The following NTM variants were observed in gnomAD, a reference collection of about 807,000 sequenced individuals.
The protein encoded by NTM is neurotrimin.
NTM carries 13 observed loss-of-function variants against 42.1 expected under a neutral mutation model. That is an observed-to-expected ratio of 0.31 (90% confidence interval 0.20 to 0.49). The LOEUF (loss-of-function observed/expected upper bound fraction) is 0.49, where lower values mean the gene tolerates loss of function less well. Among genes scored for constraint, NTM ranks in the 20% least tolerant of loss-of-function variants. The probability of loss-of-function intolerance (pLI) is 0.99; values close to 1 mark genes in which losing one functional copy is unlikely to be tolerated. For synonymous variants in NTM, 187 were observed against 179.2 expected (o/e 1.04, Z -0.35); for missense variants, 373 against 452.8 (o/e 0.82, Z 1.60).
chr11:132,189,529 G>A (rs2078957864), intron 3 of NTM, among the ~76,000 whole-genome samples: 1 of 152,134 alleles, frequency 6.6e-6, no homozygotes, highest in African/African-American at 2.4e-5. Flanking sequence ...CTTAGAAGAA[G>A]GAACCGAACT....
chr11:132,155,322 T>A (rs2137504367), intron 3 of NTM, among the ~76,000 whole-genome samples: 1 of 152,306 alleles, frequency 6.6e-6, no homozygotes, highest in South Asian at 2.1e-4. Context: ...GTCAAGTAGG[T>A]GCAGGGAAGC....
chr11:131,800,892 A>G (rs2092050126), intron 1 of NTM, among the ~76,000 whole-genome samples: 1 of 152,212 alleles, frequency 6.6e-6, no homozygotes, highest in Admixed American at 6.5e-5. Flanking sequence ...ATGGAATCAC[A>G]GCTGCCCACC....
chr11:132,170,695 G>A (rs1039455821), intron 3 of NTM, among the ~76,000 whole-genome samples: 3 of 152,090 alleles, frequency 2.0e-5, no homozygotes, highest in African/African-American at 7.2e-5. Flanking sequence ...TAAAGAACTT[G>A]AATATAACCA....
chr11:132,148,732 T>C (rs1315129120), intron 3 of NTM, among the ~76,000 whole-genome samples: 2 of 152,162 alleles, frequency 1.3e-5, no homozygotes, highest in East Asian at 1.9e-4. Flanking sequence ...TAAATGCTTA[T>C]TGAAGCAAAT....
intron 1 of NTM, among the ~76,000 whole-genome samples, chr11:131,449,450 C>T (rs1950316063): frequency 6.6e-6 from 1 of 152,220 alleles, no homozygotes; most frequent in African/African-American, 2.4e-5. Flanking sequence ...GAGGAAGGGA[C>T]TTGCCCAGGG....
intron 2 of NTM, among the ~76,000 whole-genome samples, chr11:132,136,755 T>C (rs2067997708): frequency 6.6e-6 from 1 of 152,188 alleles, no homozygotes; most frequent in Non-Finnish European, 1.5e-5. Context: ...GTTCAAGTTC[T>C]AAGTATGGAT....
intron 4 of NTM, among the ~76,000 whole-genome samples, chr11:132,277,473 T>G (rs942017380): frequency 6.6e-6 from 1 of 152,176 alleles, no homozygotes; most frequent in African/African-American, 2.4e-5. Flanking sequence ...ACTTGATACC[T>G]TTGCAGATTT....
At chr11:131,942,197 G>A (rs1183956658) in intron 2 of NTM, among the ~76,000 whole-genome samples, 2 of 152,220 alleles carry the variant, frequency 1.3e-5, no homozygotes, top group African/African-American at 4.8e-5. Flanking sequence ...CAGAGAGAGA[G>A]TGGATTAGTA....
intron 1 of NTM, among the ~76,000 whole-genome samples, chr11:131,432,932 G>T (rs1948801572): frequency 7.3e-6 from 1 of 137,604 alleles, no homozygotes; most frequent in Non-Finnish European, 1.5e-5. Context: ...ACAGCTCACT[G>T]CAAGCTCCGC....
rs535063866 is a variant in NTM at position 132,003,354 on chromosome 11, T to C, written c.167+91706T>C. 5.2e-4 allele frequency among the ~76,000 whole-genome samples: 79 copies of C among 151,650 alleles called. No individual in the cohort carries two copies. Among genetic ancestry groups the C allele is most frequent in the Non-Finnish European group, 1.0e-3 (69 of 67,964 alleles). On this transcript the variant is annotated intron_variant, in intron 2 of 8. Transcript: ENST00000683400. The surrounding 1 kb of genome is among the most constrained non-coding windows in gnomAD (Gnocchi z 6.0). ...TCAACCTCCTGGGCTCAAATGATCC[T>C]CACACCTCAGCCTCCCTAGTAGCTG...
At chr11:131,684,366 G>A (rs981476262) in intron 1 of NTM, among the ~76,000 whole-genome samples, 2 of 152,184 alleles carry the variant, frequency 1.3e-5, no homozygotes, top group African/African-American at 2.4e-5. Flanking sequence ...TCCCCACCTG[G>A]AAACTATAGA....
intron 7 of NTM, among the ~76,000 whole-genome samples, chr11:132,322,491 T>G (rs1449476232): frequency 1.6e-5 from 2 of 126,804 alleles, no homozygotes; most frequent in Admixed American, 8.1e-5. Flanking sequence ...ATCCTAAATA[T>G]ATATGCACCC....
At chr11:131,428,521 A>G (rs1043632127) in intron 1 of NTM, among the ~76,000 whole-genome samples, 2 of 151,790 alleles carry the variant, frequency 1.3e-5, no homozygotes, top group African/African-American at 2.4e-5. Flanking sequence ...ATTCTCCTCA[A>G]TGGACCTGGC....
chr11:132,015,135 T>G (rs545660095), intron 2 of NTM, among the ~76,000 whole-genome samples: 4 of 152,150 alleles, frequency 2.6e-5, no homozygotes, highest in African/African-American at 4.8e-5. Flanking sequence ...TCAGCACCAA[T>G]TATTGAACAG....
intron 1 of NTM, among the ~76,000 whole-genome samples, chr11:131,788,062 C>T (rs1402089169): frequency 6.6e-6 from 1 of 152,172 alleles, no homozygotes; most frequent in Non-Finnish European, 1.5e-5. Context: ...TCACAAAGGA[C>T]TTTTCAATGA....
intron 1 of NTM, among the ~76,000 whole-genome samples, chr11:131,873,467 A>G (rs913773924): frequency 1.3e-5 from 2 of 151,286 alleles, no homozygotes; most frequent in African/African-American, 4.9e-5. Context: ...ACCAGGGCAC[A>G]TGTACAGCTA....
At chr11:131,474,075 C>A (rs1469781760) in intron 1 of NTM, among the ~76,000 whole-genome samples, 1 of 152,182 alleles carries the variant, frequency 6.6e-6, no homozygotes, top group Non-Finnish European at 1.5e-5. Flanking sequence ...CTCATTTTCA[C>A]TCCTCAGTCA....
chr11:132,048,013 T>TA (rs1001632480), intron 2 of NTM, among the ~76,000 whole-genome samples: 10 of 151,728 alleles, frequency 6.6e-5, no homozygotes, highest in African/African-American at 2.4e-4. Context: ...TTTTTTTTTT[T>TA]ATATAGCTGA....
intron 2 of NTM, among the ~76,000 whole-genome samples, chr11:132,012,303 A>G (rs1271566883): frequency 6.6e-6 from 1 of 152,208 alleles, no homozygotes; most frequent in Admixed American, 6.5e-5. Context: ...ACTTTCAAGA[A>G]CATAAAGTTA....
Sources: gnomAD v4.1 joint callset for allele counts (sites outside exome capture counted in the v4.1 genomes callset) on GRCh38, gnomAD v4.1.1 for gene constraint, Gnocchi (gnomAD v3.1) non-coding constraint, MANE v1.5 for transcripts, NCBI Gene and HGNC (gene_info 2026-07-23, HGNC 2026-07-21) for gene names.